Variants in RHOU observed in about 807,000 individuals in gnomAD.
RHOU encodes rho-related GTP-binding protein RhoU.
In RHOU, 8 loss-of-function variants were observed where a neutral mutation model predicts 12.6. The ratio of observed to expected loss-of-function variants is 0.64; its 90% CI spans 0.37 to 1.15. The LOEUF is 1.15. RHOU is among the 50% of genes most tolerant of loss of function. The pLI is 0.01. For missense variants in RHOU, 258 were observed against 347.0 expected (o/e 0.74, Z 2.04); for synonymous variants, 161 against 147.4 (o/e 1.09, Z -0.67).
chr1:228,684,276 A>T, the RHOU span, among the ~76,000 whole-genome samples: 1 of 151,058 alleles, frequency 6.6e-6, no homozygotes, highest in Non-Finnish European at 1.5e-5. Flanking sequence ...ACCTCAGGTG[A>T]TCCTCCCGCC....
the RHOU span, among the ~76,000 whole-genome samples, chr1:228,678,812 G>A: frequency 2.0e-5 from 3 of 152,092 alleles, no homozygotes; most frequent in South Asian, 6.2e-4. Context: ...TATGAGAACT[G>A]TAGAGAGTGA....
Position 228,737,855 on chromosome 1 carries a change from C to A in RHOU, c.321+124C>A. 9.9e-7 allele frequency: 1 copy of A among 1,005,752 alleles called. No homozygotes were observed. The allele number at this position is 1,005,752 out of a possible 1,614,324, so 62.3% of individuals were successfully genotyped here. A position where few individuals can be genotyped will look rare whatever the true frequency, so the allele number is the denominator to read the frequency against. On this transcript the variant is annotated intron_variant, in intron 2 of 2. Transcript: ENST00000366691. The surrounding 1 kb of genome is among the most constrained non-coding windows in gnomAD (Gnocchi z 4.1). ...AAAGCCTCATGAAGTGGACCCACCC[C>A]TGCTGTTGGCCCTTCTCTGAGGGTG...
At chr1:228,698,375 T>A in the RHOU span, among the ~76,000 whole-genome samples, 6 of 152,252 alleles carry the variant, frequency 3.9e-5, no homozygotes, top group African/African-American at 1.4e-4. Context: ...TGTTTGTTAA[T>A]ACCTTAGAAC....
At chr1:228,680,789 G>A in the RHOU span, among the ~76,000 whole-genome samples, 1 of 152,072 alleles carries the variant, frequency 6.6e-6, no homozygotes, top group Non-Finnish European at 1.5e-5. Context: ...CTTTACCTTG[G>A]GTAGTTTCTT....
the RHOU span, among the ~76,000 whole-genome samples, chr1:228,656,639 T>C: frequency 2.0e-5 from 3 of 152,048 alleles, no homozygotes; most frequent in Admixed American, 1.3e-4. Flanking sequence ...AACTTTAAGA[T>C]CCTAAATGCA....
At chr1:228,736,103 AGG>A in intron 1 of RHOU, 99 bp downstream of exon 1, 1 of 1,229,170 alleles carries the variant, frequency 8.1e-7, no homozygotes, top group Non-Finnish European at 1.1e-6. Context: ...AGGGGGCTGC[AGG>A]GCCCCGGGCG....
chr1:228,649,817 A>G, the RHOU span, among the ~76,000 whole-genome samples: 3 of 152,256 alleles, frequency 2.0e-5, no homozygotes, highest in African/African-American at 7.2e-5. Context: ...TTGTCAAATA[A>G]GTTACACTAG....
the RHOU span, among the ~76,000 whole-genome samples, chr1:228,694,245 T>G: frequency 6.6e-6 from 1 of 152,232 alleles, no homozygotes; most frequent in East Asian, 1.9e-4. Context: ...AGACATAATA[T>G]GCAGATACAG....
chr1:228,668,029 T>C, the RHOU span, among the ~76,000 whole-genome samples: 1 of 152,282 alleles, frequency 6.6e-6, no homozygotes, highest in African/African-American at 2.4e-5. Flanking sequence ...GGATGGGACC[T>C]GGTTGCCAGA....
At chr1:228,722,811 C>G in the RHOU span, among the ~76,000 whole-genome samples, 1 of 152,022 alleles carries the variant, frequency 6.6e-6, no homozygotes, top group Non-Finnish European at 1.5e-5. Flanking sequence ...TTGGTAGAGA[C>G]GGGGTTTCAC....
chr1:228,693,549 C>T, the RHOU span, among the ~76,000 whole-genome samples: 1 of 152,178 alleles, frequency 6.6e-6, no homozygotes, highest in African/African-American at 2.4e-5. Context: ...TCACTGCAAC[C>T]TCTGCCTCCC....
At chr1:228,687,564 G>A in the RHOU span, 76 of 1,553,728 alleles carry the variant, frequency 4.9e-5, no homozygotes, top group South Asian at 9.0e-5. Flanking sequence ...CTGGGAGAGC[G>A]GGCTGAATGC....
chr1:228,650,496 G>T, the RHOU span: 1 of 456,660 alleles, frequency 2.2e-6, no homozygotes, highest in South Asian at 1.5e-5. Context: ...TGGCCGTGAT[G>T]GTGCTGAACT....
the RHOU span, among the ~76,000 whole-genome samples, chr1:228,671,338 C>G: frequency 6.6e-6 from 1 of 152,032 alleles, no homozygotes; most frequent in Non-Finnish European, 1.5e-5. Flanking sequence ...TGAAAACAGA[C>G]TAATACAGAT....
At chr1:228,716,814 A>T in the RHOU span, among the ~76,000 whole-genome samples, 4 of 152,128 alleles carry the variant, frequency 2.6e-5, no homozygotes, top group Non-Finnish European at 5.9e-5. Context: ...ATCAAAAAAT[A>T]TGTTTTTTTC....
the RHOU span, among the ~76,000 whole-genome samples, chr1:228,730,329 C>T: frequency 1.2e-4 from 19 of 152,278 alleles, no homozygotes; most frequent in African/African-American, 4.6e-4. Flanking sequence ...GGAAGGGAAG[C>T]TTGAGGCATG....
At chr1:228,707,127 CAT>C in the RHOU span, among the ~76,000 whole-genome samples, 3,201 of 76,758 alleles carry the variant, frequency 0.042, 171 homozygotes, top group East Asian at 0.14. Context: ...TATATATATA[CAT>C]ATATATATAT....
the RHOU span, among the ~76,000 whole-genome samples, chr1:228,690,699 C>A: frequency 6.6e-6 from 1 of 152,010 alleles, no homozygotes; most frequent in Non-Finnish European, 1.5e-5. Context: ...CTCACTGAAA[C>A]CTTTGCCTTC....
At position 228,746,018 on chromosome 1, in the gene RHOU, C is replaced by T. The variant is rs1662828368; in HGVS notation, c.*2278C>T. ...CTCAGTGAAGTACACCTGTGTGGCCCAGTTCTGAAAGCTTTATACAGTTGA... is the reference window on the plus strand; with the variant it reads ...CTCAGTGAAGTACACCTGTGTGGCCTAGTTCTGAAAGCTTTATACAGTTGA... On this transcript the variant is annotated 3_prime_UTR_variant, in exon 3 of 3. Coordinates refer to ENST00000366691, the MANE Select transcript of RHOU (RefSeq NM_021205.6). 6.6e-6 allele frequency: 1 copy of T among 152,196 alleles called. No individual in the cohort carries two copies. The highest frequency in any genetic ancestry group is 2.4e-5 in the African/African-American group (1 of 41,438). 9.4% of individuals were successfully genotyped at this position (152,196 alleles called of 1,614,324 possible).
Sources: allele counts gnomAD v4.1 joint callset (sites outside exome capture counted in the v4.1 genomes callset), GRCh38; gene constraint gnomAD v4.1.1; non-coding constraint Gnocchi (gnomAD v3.1); transcripts MANE v1.5; gene names NCBI Gene and HGNC (gene_info 2026-07-23, HGNC 2026-07-21).